The following THUMPD2 variants were observed in gnomAD, a reference collection of about 807,000 sequenced individuals.
THUMPD2 encodes the protein THUMP domain 2 tRNA and snRNA guanosine methyltransferase, also known as U6 snRNA (guanine-N(2))-methyltransferase THUMPD2.
In THUMPD2, 56 loss-of-function variants were observed where a neutral mutation model predicts 49.4. The observed-to-expected ratio is 1.13, with a 90% CI of 0.91 to 1.41. THUMPD2 has a LOEUF of 1.41. THUMPD2 is among the 40% of genes most tolerant of loss of function. The pLI, the probability that THUMPD2 is intolerant of heterozygous loss-of-function variation, is 0.00. For missense variants in THUMPD2, 709 were observed against 594.5 expected (o/e 1.19, Z -2.00); for synonymous variants, 237 against 205.2 (o/e 1.15, Z -1.32).
intron 9 of THUMPD2, among the ~76,000 whole-genome samples, chr2:39,743,662 C>G (rs1320934425): frequency 6.6e-6 from 1 of 152,194 alleles, no homozygotes; most frequent in East Asian, 1.9e-4. Flanking sequence ...CCCCTTCTCC[C>G]TCTTGCTTCC....
At chr2:39,775,894 A>T (rs1302265200) in intron 1 of THUMPD2, among the ~76,000 whole-genome samples, 1 of 151,766 alleles carries the variant, frequency 6.6e-6, no homozygotes, top group Admixed American at 6.6e-5. Flanking sequence ...GCTTAATTCT[A>T]CCCTATTACC....
At chr2:39,737,159 A>T in intron 9 of THUMPD2, 100 bp from the exon 10 acceptor site, 2 of 1,118,514 alleles carry the variant, frequency 1.8e-6, no homozygotes, top group Non-Finnish European at 2.5e-6. Context: ...TTTGAAATTT[A>T]ATTTTATCCA....
intron 4 of THUMPD2, among the ~76,000 whole-genome samples, chr2:39,766,753 G>A (rs1476665357): frequency 6.6e-6 from 1 of 152,046 alleles, no homozygotes; most frequent in Non-Finnish European, 1.5e-5. Flanking sequence ...AGAATATCTG[G>A]TCCCTGATAC....
intron 3 of THUMPD2, chr2:39,768,882 T>C: frequency 7.7e-7 from 1 of 1,294,274 alleles, no homozygotes; most frequent in Non-Finnish European, 1.0e-6. Flanking sequence ...AATTATCAGA[T>C]TAGTATCATT....
chr2:39,768,522 A>G, intron 3 of THUMPD2, 21 bp from the exon 4 acceptor site: 1 of 1,580,518 alleles, frequency 6.3e-7, no homozygotes, highest in South Asian at 1.1e-5. Context: ...ACCAAGTTAA[A>G]GAAAAGAATA....
intron 8 of THUMPD2, 68 bp downstream of exon 8, chr2:39,755,227 T>C (rs1675948057): frequency 9.1e-7 from 1 of 1,102,274 alleles, no homozygotes; most frequent in Non-Finnish European, 1.3e-6. Flanking sequence ...AGACTTGTTT[T>C]ATATTATGAT....
intron 8 of THUMPD2, among the ~76,000 whole-genome samples, chr2:39,748,305 A>G (rs1330146820): frequency 2.0e-5 from 3 of 152,248 alleles, no homozygotes; most frequent in Admixed American, 2.0e-4. Flanking sequence ...TTTAAAACCC[A>G]ACTGATGGAC....
intron 9 of THUMPD2, among the ~76,000 whole-genome samples, chr2:39,744,039 C>T (rs1366779206): frequency 8.9e-6 from 1 of 112,234 alleles, no homozygotes; most frequent in Non-Finnish European, 1.8e-5. Context: ...ACAGAGAAGG[C>T]AGGTTTTTTT....
chr2:39,748,475 G>A (rs1465860996), intron 8 of THUMPD2, among the ~76,000 whole-genome samples: 2 of 152,164 alleles, frequency 1.3e-5, no homozygotes, highest in East Asian at 1.9e-4. Context: ...GGCCAAGGCA[G>A]GTGGATCATG....
intron 8 of THUMPD2, among the ~76,000 whole-genome samples, chr2:39,749,598 AT>A (rs1553361709): frequency 6.6e-6 from 1 of 151,858 alleles, no homozygotes; most frequent in Non-Finnish European, 1.5e-5. Flanking sequence ...CTAAGTTTTT[AT>A]TTTTTTTCCT....
intron 6 of THUMPD2, among the ~76,000 whole-genome samples, chr2:39,757,700 T>C (rs922369382): frequency 6.6e-6 from 1 of 152,260 alleles, no homozygotes; most frequent in African/African-American, 2.4e-5. Flanking sequence ...TGTATTTCTG[T>C]ATACTTACAA....
chr2:39,754,821 A>G (rs987150497), intron 8 of THUMPD2, among the ~76,000 whole-genome samples: 2 of 152,162 alleles, frequency 1.3e-5, no homozygotes, highest in African/African-American at 4.8e-5. Flanking sequence ...TTTTAGCACT[A>G]AAAGTCCTGG....
In THUMPD2 at chr2:39,769,940, T is replaced by C; in HGVS notation, c.442A>G (p.Lys148Glu). ...GENEIIAKKL[K>E]IEQMQKIEEN... Reference sequence around the variant, plus strand: ...TCTATCTTTTGCATTTGTTCTATTTTTAATTTCTTTGCAATGATTTCATTT... The same window carrying C: ...TCTATCTTTTGCATTTGTTCTATTTCTAATTTCTTTGCAATGATTTCATTT... Residue 148 changes from lysine (K) to glutamate (E), a missense_variant, in exon 3 of 10, where the codon AAA becomes GAA. Coordinates refer to ENST00000505747, the MANE Select transcript of THUMPD2 (RefSeq NM_025264.5). 1 of 1,576,202 alleles carries C rather than the reference T, an allele frequency of 6.3e-7. No homozygotes were observed. Among genetic ancestry groups the C allele is most frequent in the South Asian group, 1.2e-5 (1 of 82,450 alleles).
chr2:39,762,227 G>C (rs1676913117), intron 5 of THUMPD2, among the ~76,000 whole-genome samples: 1 of 152,086 alleles, frequency 6.6e-6, no homozygotes, highest in South Asian at 2.1e-4. Context: ...GGTTTGTCTT[G>C]GGGTTGGCTT....
rs540674644 is a variant in THUMPD2 at position 39,740,705 on chromosome 2, T to C, written c.1188-3646A>G. On this transcript the variant is annotated intron_variant, in intron 9 of 9. Coordinates refer to ENST00000505747, the MANE Select transcript of THUMPD2 (RefSeq NM_025264.5). The stretch of plus-strand genomic sequence containing the variant: ...CAAGCTACTGGTGTCACCTAGTTCA[T>C]ATACACATAATTTCTTTTCTTTTCT... Among the ~76,000 whole-genome samples, 3 of 151,754 alleles carry C rather than the reference T, an allele frequency of 2.0e-5. No individual in the cohort carries two copies. In the East Asian group the frequency reaches 5.8e-4, roughly 29 times the overall value.
chr2:39,763,952 A>T (rs1677170439), intron 5 of THUMPD2, among the ~76,000 whole-genome samples: 1 of 151,964 alleles, frequency 6.6e-6, no homozygotes, highest in Non-Finnish European at 1.5e-5. Flanking sequence ...CTATGTCCCA[A>T]CTACACTGAA....
chr2:39,759,555 A>G (rs1254450707), intron 6 of THUMPD2, among the ~76,000 whole-genome samples: 1 of 152,112 alleles, frequency 6.6e-6, no homozygotes, highest in African/African-American at 2.4e-5. Context: ...AGAATCTAAG[A>G]CTCAACAAGG....
intron 9 of THUMPD2, among the ~76,000 whole-genome samples, chr2:39,738,053 G>C (rs1239446988): frequency 6.6e-6 from 1 of 152,198 alleles, no homozygotes; most frequent in Non-Finnish European, 1.5e-5. Context: ...TAAAGATACA[G>C]TAAATGGTAG....
In THUMPD2 at chr2:39,779,207, C is replaced by A. The variant is rs545002060; in HGVS notation, c.33G>T (p.Gly11=). MSEARGEPGS[G]PEAGARFFCT... Reference sequence around the variant, plus strand: ...AGAAGAATCGGGCGCCAGCCTCAGGCCCGGACCCTGGCTCTCCACGCGCCT... The same window carrying A: ...AGAAGAATCGGGCGCCAGCCTCAGGACCGGACCCTGGCTCTCCACGCGCCT... Residue 11 remains glycine, a synonymous_variant, in exon 1 of 10, where the codon GGG becomes GGT. Coordinates refer to ENST00000505747, the MANE Select transcript of THUMPD2 (RefSeq NM_025264.5). 18 of 1,510,778 alleles carry A rather than the reference C, an allele frequency of 1.2e-5. No homozygotes were observed. Among genetic ancestry groups the A allele is most frequent in the Admixed American group, 4.2e-5 (2 of 47,846 alleles). The allele number at this position is 1,510,778 out of a possible 1,614,324, so 93.6% of individuals were successfully genotyped here. A position where few individuals can be genotyped will look rare whatever the true frequency, so the allele number is the denominator to read the frequency against.
Sources: gnomAD v4.1 joint callset for allele counts (sites outside exome capture counted in the v4.1 genomes callset) on GRCh38, gnomAD v4.1.1 for gene constraint, MANE v1.5 for transcripts, NCBI Gene and HGNC (gene_info 2026-07-23, HGNC 2026-07-21) for gene names.